RABEP1: variants seen among roughly 807,000 people sequenced by gnomAD.
The protein encoded by RABEP1 is rab GTPase-binding effector protein 1.
A neutral mutation model predicts 123.4 loss-of-function variants in RABEP1; 51 were observed. That is an observed-to-expected ratio of 0.41 (90% CI 0.33 to 0.52). The LOEUF is 0.52. RABEP1 is among the 20% of genes least tolerant of loss of function. The pLI is 0.16. For synonymous variants in RABEP1, 347 were observed against 355.2 expected (o/e 0.98, Z 0.26); for missense variants, 888 against 996.3 (o/e 0.89, Z 1.46).
At chr17:5,334,944 G>C (rs1325294442) in intron 3 of RABEP1, among the ~76,000 whole-genome samples, 1 of 151,990 alleles carries the variant, frequency 6.6e-6, no homozygotes, top group Non-Finnish European at 1.5e-5. Context: ...CTTTCCTAAG[G>C]TTTTCTCCTT....
chr17:5,331,211 A>G lies in RABEP1; in HGVS notation c.164-738A>G, dbSNP rs969657930. ...AAGAGGAAATGAGTCACTAGTACAT[A>G]TATGAGAAGATGCTCAAACTCCTTA... On this transcript the variant is annotated intron_variant, in intron 2 of 17. Coordinates refer to ENST00000537505, the MANE Select transcript of RABEP1 (RefSeq NM_004703.6). 7.2e-5 allele frequency among the ~76,000 whole-genome samples: 11 copies of G among 152,002 alleles called. 1 individual carries two copies. The highest frequency in any genetic ancestry group is 2.7e-4 in the African/African-American group (11 of 41,376).
rs998297621 is a variant in RABEP1, at chr17:5,368,569, A to C, written c.1884+101A>C. Reference sequence around the variant, plus strand: ...GATAGGAATTTATCATCCTGTCCAAAGTAGTTACTGTTGTCTTCTCCCGGG... The same window carrying C: ...GATAGGAATTTATCATCCTGTCCAACGTAGTTACTGTTGTCTTCTCCCGGG... On this transcript the variant is annotated intron_variant, in intron 12 of 17. Transcript: ENST00000537505. 10 of 805,712 alleles carry C rather than the reference A, an allele frequency of 1.2e-5. No homozygotes were observed. In the Admixed American group the frequency reaches 1.4e-4, roughly 11 times the overall value. The allele number at this position is 805,712 out of a possible 1,614,324, so 49.9% of individuals were successfully genotyped here.
In RABEP1 at chr17:5,385,942, T is replaced by C; in HGVS notation, c.*2719T>C. On this transcript the variant is annotated 3_prime_UTR_variant, in exon 18 of 18. Coordinates refer to ENST00000537505, the MANE Select transcript of RABEP1 (RefSeq NM_004703.6). The stretch of plus-strand genomic sequence containing the variant: ...CAAATATGGAGAAAACTCAATAGGG[T>C]TCAGGGAGGTTCTGGCAGTGTGCAG... 2.4e-6 allele frequency: 1 copy of C among 414,736 alleles called. No individual in the cohort carries two copies. The highest frequency in any genetic ancestry group is 6.3e-5 in the South Asian group (1 of 15,934). The allele number at this position is 414,736 out of a possible 1,614,324, so 25.7% of individuals were successfully genotyped here. A position where few individuals can be genotyped will look rare whatever the true frequency, so the allele number is the denominator to read the frequency against.
Position 5,318,516 on chromosome 17 carries a change from A to G in RABEP1, c.163+9694A>G, listed in dbSNP as rs766176967. On this transcript the variant is annotated intron_variant, in intron 2 of 17. Coordinates refer to ENST00000537505, the MANE Select transcript of RABEP1 (RefSeq NM_004703.6). ...CCCATATATAGTAAAAGGATAATAT[A>G]AGAAAATTATGGAACAACTTCATGA... Among the ~76,000 whole-genome samples, 9 of 152,218 alleles carry G rather than the reference A, an allele frequency of 5.9e-5. 1 individual carries two copies. The highest frequency in any genetic ancestry group is 1.2e-4 in the Non-Finnish European group (8 of 68,032).
At chr17:5,376,048 C>A (rs557618559) in intron 13 of RABEP1, among the ~76,000 whole-genome samples, 1 of 152,132 alleles carries the variant, frequency 6.6e-6, no homozygotes, top group African/African-American at 2.4e-5. Context: ...ACCATGTTGG[C>A]CAGGCTGGTC....
chr17:5,286,371 G>A (rs892555680), intron 1 of RABEP1, among the ~76,000 whole-genome samples: 1 of 152,126 alleles, frequency 6.6e-6, no homozygotes, highest in Non-Finnish European at 1.5e-5. Flanking sequence ...GTGCGCACCT[G>A]TAGTCCCAGC....
chr17:5,312,108 A>G (rs1482554193), intron 2 of RABEP1, among the ~76,000 whole-genome samples: 1 of 152,150 alleles, frequency 6.6e-6, no homozygotes, highest in Non-Finnish European at 1.5e-5. Context: ...GATTTGTTAC[A>G]CTGTTATTAG....
At chr17:5,318,063 T>G (rs1243693933) in intron 2 of RABEP1, among the ~76,000 whole-genome samples, 2 of 152,196 alleles carry the variant, frequency 1.3e-5, no homozygotes, top group Admixed American at 1.3e-4. Flanking sequence ...GTAATAGTCT[T>G]TATAATAAAC....
chr17:5,317,547 T>A (rs752953756), intron 2 of RABEP1, among the ~76,000 whole-genome samples: 2 of 151,462 alleles, frequency 1.3e-5, no homozygotes, highest in Non-Finnish European at 2.9e-5. Context: ...CTGTTCAACA[T>A]CTAGAAGTGA....
At position 5,282,374 on chromosome 17, in the gene RABEP1, C is replaced by G. The variant is rs985592851; in HGVS notation, c.-113C>G. ...CGGATCCAGCCTTAGCGGTTTCTCTCTGGGCGGCGGCGGCGGCGGCTCGGT... is the reference window on the plus strand; with the variant it reads ...CGGATCCAGCCTTAGCGGTTTCTCTGTGGGCGGCGGCGGCGGCGGCTCGGT... On this transcript the variant is annotated 5_prime_UTR_variant, in exon 1 of 18. Coordinates refer to ENST00000537505, the MANE Select transcript of RABEP1 (RefSeq NM_004703.6). 5.6e-6 allele frequency: 5 copies of G among 895,548 alleles called. No homozygotes were observed. The highest frequency in any genetic ancestry group is 7.6e-6 in the Non-Finnish European group (5 of 661,984). 55.5% of individuals were successfully genotyped at this position (895,548 alleles called of 1,614,324 possible).
chr17:5,294,578 A>ATCTGAGAG (rs1160009781), intron 1 of RABEP1, among the ~76,000 whole-genome samples: 13 of 95,426 alleles, frequency 1.4e-4, no homozygotes, highest in Non-Finnish European at 6.0e-5. Flanking sequence ...AGATTTTGGT[A>ATCTGAGAG]TCTGAGAGGT....
chr17:5,380,669 G>T (rs766680570), intron 16 of RABEP1: 1 of 566,922 alleles, frequency 1.8e-6, no homozygotes, highest in South Asian at 1.7e-5. Flanking sequence ...GGAGGCCTGC[G>T]TCATAGGCTA....
At chr17:5,308,116 T>A (rs536974553) in intron 1 of RABEP1, among the ~76,000 whole-genome samples, 1 of 152,324 alleles carries the variant, frequency 6.6e-6, no homozygotes, top group African/African-American at 2.4e-5. Context: ...ACAAAGGCAC[T>A]TTAGAAGCTC....
At chr17:5,343,091 C>T (rs554218601) in intron 5 of RABEP1, among the ~76,000 whole-genome samples, 2 of 152,180 alleles carry the variant, frequency 1.3e-5, no homozygotes, top group South Asian at 4.1e-4. Context: ...GAAACCCTGC[C>T]TCTACTAAAA....
chr17:5,301,744 C>G (rs75020497), intron 1 of RABEP1, among the ~76,000 whole-genome samples: 3,519 of 151,622 alleles, frequency 0.023, 136 homozygotes, highest in African/African-American at 0.079. Flanking sequence ...TACCAAGGGT[C>G]TCTTAGGCCT....
chr17:5,322,402 TATA>T (rs1905463880), intron 2 of RABEP1, among the ~76,000 whole-genome samples: 1 of 152,006 alleles, frequency 6.6e-6, no homozygotes, highest in African/African-American at 2.4e-5. Flanking sequence ...AAAAGGGTCA[TATA>T]ATAATAAAGG....
Position 5,365,429 on chromosome 17 carries a change from A to G in RABEP1, c.1785+191A>G, listed in dbSNP as rs148717642. ...AGATTTTTAAAGAATAACTTTCAAAATAATTGGTCAGTAAATGCCAGGAGG... is the reference window on the plus strand; with the variant it reads ...AGATTTTTAAAGAATAACTTTCAAAGTAATTGGTCAGTAAATGCCAGGAGG... On this transcript the variant is annotated intron_variant, in intron 11 of 17. Transcript: ENST00000537505. Among the ~76,000 whole-genome samples the G allele has an allele frequency of 5.3e-4, 80 of 152,308 alleles. 1 individual carries two copies. Among genetic ancestry groups the G allele is most frequent in the African/African-American group, 1.8e-3 (73 of 41,552 alleles).
intron 8 of RABEP1, among the ~76,000 whole-genome samples, chr17:5,357,330 A>G (rs1909110994): frequency 6.6e-6 from 1 of 152,142 alleles, no homozygotes; most frequent in African/African-American, 2.4e-5. Flanking sequence ...CAGCGTGTCA[A>G]TGTACCATAA....
At chr17:5,380,013 A>G (rs1911318834) in intron 15 of RABEP1, among the ~76,000 whole-genome samples, 2 of 151,844 alleles carry the variant, frequency 1.3e-5, no homozygotes, top group South Asian at 4.2e-4. Flanking sequence ...TCCCCTTGTC[A>G]CCCTTGTCTT....
Sources: allele counts gnomAD v4.1 joint callset (sites outside exome capture counted in the v4.1 genomes callset), GRCh38; gene constraint gnomAD v4.1.1; transcripts MANE v1.5; gene names NCBI Gene and HGNC (gene_info 2026-07-23, HGNC 2026-07-21).